CTNND2: variants seen among roughly 807,000 people sequenced by gnomAD.
CTNND2 encodes catenin delta-2.
A neutral mutation model predicts 144.4 loss-of-function variants in CTNND2; 22 were observed. The ratio of observed to expected loss-of-function variants is 0.15; its 90% CI spans 0.11 to 0.22. The LOEUF (loss-of-function observed/expected upper bound fraction) is 0.22. Among genes scored for constraint, CTNND2 ranks in the 10% least tolerant of loss-of-function variants. CTNND2 has a pLI of 1.00. For missense variants in CTNND2, 1,353 were observed against 1,618.8 expected (o/e 0.84, Z 2.82); for synonymous variants, 751 against 695.6 (o/e 1.08, Z -1.25).
chr5:11,626,809 G>A (rs1781178860), intron 2 of CTNND2, among the ~76,000 whole-genome samples: 1 of 152,160 alleles, frequency 6.6e-6, no homozygotes, highest in South Asian at 2.1e-4. Flanking sequence ...AGTACAAGAA[G>A]AGTTTTACAA....
At chr5:10,995,370 G>A (rs886925738) in intron 18 of CTNND2, among the ~76,000 whole-genome samples, 7 of 152,154 alleles carry the variant, frequency 4.6e-5, no homozygotes, top group South Asian at 2.1e-4. Flanking sequence ...GGAGCAATGC[G>A]TGAGGAGGAG....
chr5:11,623,839 T>C (rs1370333283), intron 2 of CTNND2, among the ~76,000 whole-genome samples: 2 of 124,828 alleles, frequency 1.6e-5, no homozygotes, highest in Non-Finnish European at 3.3e-5. Flanking sequence ...TATATATATA[T>C]ATATATATAT....
chr5:11,664,158 AC>A (rs1212995935), intron 2 of CTNND2, among the ~76,000 whole-genome samples: 1 of 152,212 alleles, frequency 6.6e-6, no homozygotes, highest in Non-Finnish European at 1.5e-5. Context: ...TAACCTTGAT[AC>A]CTTTATTCAA....
intron 7 of CTNND2, among the ~76,000 whole-genome samples, chr5:11,381,693 T>C (rs10040816): frequency 0.67 from 101,955 of 152,074 alleles, 35,283 homozygotes; most frequent in African/African-American, 0.84. Context: ...GGGGACCAGG[T>C]GTGGTGGCTC....
intron 10 of CTNND2, among the ~76,000 whole-genome samples, chr5:11,207,499 C>T (rs1439166920): frequency 6.6e-6 from 1 of 151,920 alleles, no homozygotes; most frequent in Non-Finnish European, 1.5e-5. Flanking sequence ...TAAAGATGGA[C>T]ATTGTTTAAA....
chr5:11,727,158 T>C (rs907386243), intron 2 of CTNND2, among the ~76,000 whole-genome samples: 4 of 152,310 alleles, frequency 2.6e-5, no homozygotes, highest in African/African-American at 9.6e-5. Context: ...GGTTAACAAG[T>C]AAACAAATAC....
At chr5:11,476,722 A>C (rs140724118) in intron 3 of CTNND2, among the ~76,000 whole-genome samples, 14 of 152,316 alleles carry the variant, frequency 9.2e-5, no homozygotes, top group African/African-American at 3.4e-4. Context: ...AATGAAATTA[A>C]TATACAGCCC....
intron 1 of CTNND2, among the ~76,000 whole-genome samples, chr5:11,872,309 G>A (rs1436188379): frequency 6.6e-6 from 1 of 152,166 alleles, no homozygotes; most frequent in African/African-American, 2.4e-5. Context: ...TTGGTTCCAA[G>A]TCTTTGTTAT....
intron 9 of CTNND2, among the ~76,000 whole-genome samples, chr5:11,259,340 C>T (rs26449): frequency 0.17 from 26,323 of 151,990 alleles, 2,644 homozygotes; most frequent in African/African-American, 0.27. Flanking sequence ...CCAGCCACCA[C>T]GCCAAAAAAA....
intron 1 of CTNND2, among the ~76,000 whole-genome samples, chr5:11,881,397 G>A (rs752663084): frequency 2.0e-5 from 3 of 151,932 alleles, no homozygotes; most frequent in Non-Finnish European, 4.4e-5. Context: ...TAAATGTAAT[G>A]TTGTACTCAT....
In CTNND2 at chr5:11,411,636, G is replaced by T. The variant is rs374819899; in HGVS notation, c.339C>A (p.Ile113=). 1.9e-6 allele frequency: 3 copies of T among 1,605,386 alleles called. No individual in the cohort carries two copies. Among genetic ancestry groups the T allele is most frequent in the African/African-American group, 1.3e-5 (1 of 74,648 alleles). ...QWQSQDGQKD[I]EDELTTGLEL... ...CGAGACCTGTTGTAAGCTCATCTTC[G>T]ATATCTTTTTGACCATCTGAAATGA... is the stretch of plus-strand genomic sequence containing the variant. The change falls in exon 5 of 22, where the codon ATC becomes ATA. Residue 113 remains isoleucine (I), a synonymous_variant. Transcript: ENST00000304623.
chr5:11,575,407 AC>A (rs1380527107), intron 2 of CTNND2, among the ~76,000 whole-genome samples: 3 of 152,160 alleles, frequency 2.0e-5, no homozygotes, highest in Non-Finnish European at 4.4e-5. Flanking sequence ...CTTTTATAGC[AC>A]TTCCAATGCA....
At chr5:11,132,929 T>C (rs1252251572) in intron 12 of CTNND2, among the ~76,000 whole-genome samples, 1 of 152,072 alleles carries the variant, frequency 6.6e-6, no homozygotes, top group Non-Finnish European at 1.5e-5. Flanking sequence ...TAGTAGTTTT[T>C]TACTTGAGGC....
intron 12 of CTNND2, among the ~76,000 whole-genome samples, chr5:11,126,527 C>T (rs76254229): frequency 0.046 from 7,000 of 152,198 alleles, 404 homozygotes; most frequent in East Asian, 0.32. Context: ...TTCTTCCATA[C>T]GCAATGCTAA....
chr5:11,597,502 T>C (rs572733879), intron 2 of CTNND2, among the ~76,000 whole-genome samples: 11 of 151,368 alleles, frequency 7.3e-5, no homozygotes, highest in Admixed American at 2.6e-4. Context: ...TCTCTATTTC[T>C]TGCTCTAAGC....
At chr5:11,602,602 A>T (rs1779850857) in intron 2 of CTNND2, among the ~76,000 whole-genome samples, 1 of 150,144 alleles carries the variant, frequency 6.7e-6, no homozygotes, top group Non-Finnish European at 1.5e-5. Flanking sequence ...AAAAAGACAG[A>T]AACCAAGAGA....
At chr5:11,498,841 T>C (rs958864874) in intron 3 of CTNND2, among the ~76,000 whole-genome samples, 17 of 152,218 alleles carry the variant, frequency 1.1e-4, no homozygotes, top group Non-Finnish European at 1.0e-4. Context: ...ATGAAGGTCA[T>C]CTAAGAGAAA....
intron 2 of CTNND2, among the ~76,000 whole-genome samples, chr5:11,727,943 A>C (rs1787111672): frequency 6.6e-6 from 1 of 152,216 alleles, no homozygotes; most frequent in African/African-American, 2.4e-5. Flanking sequence ...TTAAGGGAGT[A>C]TTTTATAATG....
chr5:11,510,666 C>T (rs1252798914), intron 3 of CTNND2, among the ~76,000 whole-genome samples: 5 of 152,194 alleles, frequency 3.3e-5, no homozygotes, highest in African/African-American at 1.2e-4. Context: ...CACAATGGCT[C>T]ATGCCTATAA....
Sources: gnomAD v4.1 joint callset for allele counts (sites outside exome capture counted in the v4.1 genomes callset) on GRCh38, gnomAD v4.1.1 for gene constraint, MANE v1.5 for transcripts, NCBI Gene and HGNC (gene_info 2026-07-23, HGNC 2026-07-21) for gene names.